The following CACNA1A variants were observed in gnomAD, a reference collection of about 807,000 sequenced individuals.
The protein encoded by CACNA1A is calcium voltage-gated channel subunit alpha1 A, also known as voltage-dependent P/Q-type calcium channel subunit alpha-1A.
In CACNA1A, 57 loss-of-function variants were observed where a neutral mutation model predicts 262.4. That is an observed-to-expected ratio of 0.22 (90% CI 0.18 to 0.27). The LOEUF is 0.27. Ranked by LOEUF, CACNA1A falls within the 10% of genes least tolerant of loss-of-function variation. The pLI is 1.00. For missense variants in CACNA1A, 2,526 were observed against 3,562.8 expected (o/e 0.71, Z 7.41); for synonymous variants, 1,431 against 1,419.3 (o/e 1.01, Z -0.18).
At chr19:13,247,298 G>A (rs1248705233) in intron 30 of CACNA1A, among the ~76,000 whole-genome samples, 1 of 152,248 alleles carries the variant, frequency 6.6e-6, no homozygotes. Flanking sequence ...CTGGAAGGCA[G>A]TGGTAACACA....
chr19:13,461,401 A>G (rs1259418837), intron 1 of CACNA1A, among the ~76,000 whole-genome samples: 4 of 151,166 alleles, frequency 2.6e-5, no homozygotes, highest in Non-Finnish European at 5.9e-5. Flanking sequence ...GGTGGAGGAA[A>G]TGAAGGAAGG....
intron 3 of CACNA1A, among the ~76,000 whole-genome samples, chr19:13,387,248 G>T (rs192499811): frequency 6.6e-6 from 1 of 152,212 alleles, no homozygotes; most frequent in Admixed American, 6.5e-5. Flanking sequence ...GAGCCACTGC[G>T]CCCGGCCTCC....
intron 1 of CACNA1A, among the ~76,000 whole-genome samples, chr19:13,495,775 T>C (rs985173703): frequency 1.3e-5 from 2 of 151,562 alleles, no homozygotes; most frequent in African/African-American, 4.8e-5. Flanking sequence ...CCATCTATCA[T>C]CCACTCATCC....
rs1600124141 is a variant in CACNA1A, at chr19:13,228,680, G to A, written c.5529-1153C>T. 3 of 1,408,462 alleles carry A rather than the reference G, an allele frequency of 2.1e-6. No individual in the cohort carries two copies. Among genetic ancestry groups the A allele is most frequent in the Non-Finnish European group, 3.0e-6 (3 of 1,014,262 alleles). The allele number at this position is 1,408,462 out of a possible 1,614,324, so 87.2% of individuals were successfully genotyped here. A position where few individuals can be genotyped will look rare whatever the true frequency, so the allele number is the denominator to read the frequency against. ...ACACTCATTCCATGGATGCTAGCAG[G>A]TTTTAGTGGAAGTCAAACCTTGCAA... On this transcript the variant is annotated intron_variant, in intron 36 of 46. Coordinates refer to ENST00000360228, the MANE Select transcript of CACNA1A (RefSeq NM_001127222.2).
intron 19 of CACNA1A, among the ~76,000 whole-genome samples, chr19:13,287,251 C>T (rs538352005): frequency 2.6e-5 from 4 of 151,940 alleles, no homozygotes; most frequent in South Asian, 2.1e-4. Context: ...CTTGGGAGGC[C>T]GAAGTGGGAG....
intron 3 of CACNA1A, among the ~76,000 whole-genome samples, chr19:13,413,512 C>T (rs1195880733): frequency 7.2e-6 from 1 of 138,988 alleles, no homozygotes; most frequent in Non-Finnish European, 1.5e-5. Context: ...GTCACGGCTG[C>T]AGAAAGTGAT....
At chr19:13,487,205 G>A (rs907937907) in intron 1 of CACNA1A, among the ~76,000 whole-genome samples, 1 of 152,198 alleles carries the variant, frequency 6.6e-6, no homozygotes, top group Non-Finnish European at 1.5e-5. Context: ...AAACCCAGCT[G>A]AGATGAAACC....
At chr19:13,466,528 T>G (rs1020510338) in intron 1 of CACNA1A, among the ~76,000 whole-genome samples, 1 of 151,732 alleles carries the variant, frequency 6.6e-6, no homozygotes. Context: ...TTTAGTAGAG[T>G]TGGGGTTTCA....
intron 1 of CACNA1A, among the ~76,000 whole-genome samples, chr19:13,460,256 G>C (rs1480269390): frequency 1.3e-5 from 2 of 152,166 alleles, no homozygotes; most frequent in Non-Finnish European, 1.5e-5. Context: ...TGTGCACCGG[G>C]AAGTTTAGGA....
intron 3 of CACNA1A, among the ~76,000 whole-genome samples, chr19:13,393,749 TCC>T (rs2059757756): frequency 3.3e-5 from 4 of 120,062 alleles, no homozygotes; most frequent in Admixed American, 1.7e-4. Flanking sequence ...TTTCTCTCTC[TCC>T]CCTTCCTTCC....
chr19:13,416,257 C>T (rs539081828), intron 3 of CACNA1A, among the ~76,000 whole-genome samples: 4 of 149,494 alleles, frequency 2.7e-5, no homozygotes, highest in South Asian at 4.3e-4. Context: ...TGCACCACCA[C>T]GCCTGGCTAA....
chr19:13,464,440 T>C (rs1242198693), intron 1 of CACNA1A, among the ~76,000 whole-genome samples: 2 of 151,918 alleles, frequency 1.3e-5, no homozygotes, highest in Non-Finnish European at 1.5e-5. Context: ...AAAAGAAAAC[T>C]TAATATGCTT....
intron 3 of CACNA1A, among the ~76,000 whole-genome samples, chr19:13,430,442 G>A (rs961245450): frequency 5.3e-5 from 8 of 152,206 alleles, no homozygotes; most frequent in African/African-American, 1.9e-4. Context: ...CCTGAACTCA[G>A]GTATCTGCCC....
intron 3 of CACNA1A, among the ~76,000 whole-genome samples, chr19:13,382,281 A>G (rs2059536953): frequency 6.6e-6 from 1 of 152,128 alleles, no homozygotes; most frequent in South Asian, 2.1e-4. Flanking sequence ...AACATCTCAG[A>G]CGGGTTAAAT....
intron 6 of CACNA1A, 38 bp downstream of exon 6, chr19:13,359,568 C>G (rs372653875): frequency 3.9e-6 from 6 of 1,544,202 alleles, no homozygotes; most frequent in Non-Finnish European, 5.3e-6. Flanking sequence ...CTCCCTGAGA[C>G]TCTGATTGTC....
intron 30 of CACNA1A, among the ~76,000 whole-genome samples, chr19:13,250,469 T>C (rs1293595793): frequency 1.3e-5 from 2 of 152,118 alleles, no homozygotes; most frequent in African/African-American, 4.8e-5. Context: ...AGATCTCGGC[T>C]CACTGCAACC....
At chr19:13,499,810 C>A (rs1028939998) in intron 1 of CACNA1A, among the ~76,000 whole-genome samples, 1 of 152,150 alleles carries the variant, frequency 6.6e-6, no homozygotes, top group African/African-American at 2.4e-5. Context: ...CCATCCCATC[C>A]GGCCCTTTTC....
intron 3 of CACNA1A, among the ~76,000 whole-genome samples, chr19:13,402,787 TACATATATAC>T (rs1416736397): frequency 7.8e-6 from 1 of 129,020 alleles, no homozygotes; most frequent in African/African-American, 3.5e-5. Flanking sequence ...TACATATATA[TACATATATAC>T]ACACATATAT....
intron 23 of CACNA1A, 29 bp downstream of exon 23, chr19:13,277,040 G>A (rs191571906): frequency 8.0e-5 from 122 of 1,533,836 alleles, no homozygotes; most frequent in East Asian, 5.0e-4. Context: ...AAAAATTACC[G>A]TGTGTTCTCA....
Sources: allele counts gnomAD v4.1 joint callset (sites outside exome capture counted in the v4.1 genomes callset), GRCh38; gene constraint gnomAD v4.1.1; transcripts MANE v1.5; gene names NCBI Gene and HGNC (gene_info 2026-07-23, HGNC 2026-07-21).